The following SMC4 variants were observed in gnomAD, a reference collection of about 807,000 sequenced individuals.
SMC4 encodes structural maintenance of chromosomes 4.
A neutral mutation model predicts 145.6 loss-of-function variants in SMC4; 87 were observed. The ratio of observed to expected loss-of-function variants is 0.60; its 90% CI spans 0.50 to 0.71. The LOEUF (loss-of-function observed/expected upper bound fraction) is 0.71. Among genes scored for constraint, SMC4 ranks in the 30% least tolerant of loss-of-function variants. The pLI, the probability that SMC4 is intolerant of heterozygous loss-of-function variation, is 0.00. For synonymous variants in SMC4, 558 were observed against 500.7 expected (o/e 1.11, Z -1.53); for missense variants, 1,447 against 1,537.1 (o/e 0.94, Z 0.98).
At chr3:160,430,386 G>A (rs918268359) in intron 18 of SMC4, among the ~76,000 whole-genome samples, 1 of 152,042 alleles carries the variant, frequency 6.6e-6, no homozygotes, top group Non-Finnish European at 1.5e-5. Flanking sequence ...ATATAAGAAA[G>A]GCATTTATAA....
Position 160,425,019 on chromosome 3 carries a change from G to GGTTTGTGTGTGTGTGTGT in SMC4, c.2478+2_2478+3insTTGTGTGTGTGTGTGTGT. On this transcript the variant is annotated inframe_insertion and splice_region_variant. Transcript: ENST00000357388. ...TAGAAAAATTTACTGCAAGCATCCAGGTATGTGTGTGTGTGTGTGTGTGTG... is the reference window on the plus strand; with the variant it reads ...TAGAAAAATTTACTGCAAGCATCCAGGTTTGTGTGTGTGTGTGTGTATGTGTGTGTGTGTGTGTGTGTG... The GGTTTGTGTGTGTGTGTGT allele has an allele frequency of 6.5e-6, 8 of 1,226,980 alleles. No homozygotes were observed. The highest frequency in any genetic ancestry group is 6.6e-6 in the Non-Finnish European group (6 of 904,448). The allele number at this position is 1,226,980 out of a possible 1,614,324, so 76.0% of individuals were successfully genotyped here.
chr3:160,410,755 T>C (rs1295476472), intron 5 of SMC4, among the ~76,000 whole-genome samples: 3 of 152,232 alleles, frequency 2.0e-5, no homozygotes, highest in East Asian at 3.8e-4. Flanking sequence ...TTGAGGCTTT[T>C]GGTGAATTAT....
chr3:160,412,137 A>G (rs1716057619), intron 6 of SMC4, 53 bp downstream of exon 6: 2 of 1,564,368 alleles, frequency 1.3e-6, no homozygotes, highest in East Asian at 4.5e-5. Context: ...TTTATGATCT[A>G]ACAAATTTTA....
chr3:160,411,108 AT>A (rs1211667549), intron 5 of SMC4, among the ~76,000 whole-genome samples: 1 of 151,968 alleles, frequency 6.6e-6, no homozygotes, highest in African/African-American at 2.4e-5. Context: ...CTTATTATGG[AT>A]TTTTTTTCTC....
At chr3:160,430,107 A>G (rs570083424) in intron 18 of SMC4, among the ~76,000 whole-genome samples, 98 of 152,278 alleles carry the variant, frequency 6.4e-4, no homozygotes, top group African/African-American at 2.2e-3. Context: ...TTCTTTTTTT[A>G]GAAAAAATTT....
At chr3:160,423,356 T>TTG in intron 13 of SMC4, 69 bp from the exon 14 acceptor site, 1 of 864,004 alleles carries the variant, frequency 1.2e-6, no homozygotes, top group Non-Finnish European at 1.6e-6. Context: ...TGGGTTTTTT[T>TTG]TTGTTTTTTT....
chr3:160,406,084 C>A (rs777480890), intron 5 of SMC4, among the ~76,000 whole-genome samples: 1 of 152,018 alleles, frequency 6.6e-6, no homozygotes, highest in Non-Finnish European at 1.5e-5. Flanking sequence ...ATTGTCCCAA[C>A]GAAGTAAATA....
rs139427339 is a variant in SMC4 at position 160,414,932 on chromosome 3, G to C, written c.1272+415G>C. ...ATTGGGAAAACATTTACCAAATCAG[G>C]AGTTCCATTTTGGTGTTAATTTTAA... is the stretch of plus-strand genomic sequence containing the variant. On this transcript the variant is annotated intron_variant, in intron 9 of 23. Coordinates refer to ENST00000357388, the MANE Select transcript of SMC4 (RefSeq NM_001002800.3). 2.7e-3 allele frequency among the ~76,000 whole-genome samples: 410 copies of C among 152,270 alleles called. 4 individuals are homozygous for C. The highest frequency in any genetic ancestry group is 8.7e-3 in the African/African-American group (363 of 41,538).
rs776395942 is a variant in SMC4, at chr3:160,431,244, C to T, written c.3114+39C>T. On this transcript the variant is annotated intron_variant, in intron 20 of 23. Transcript: ENST00000357388. ...CGTTTAGTTTAATTTTAAACATATT[C>T]TTTATGAAAAAGGAGGGTTTGGGGA... is the stretch of plus-strand genomic sequence containing the variant. The T allele has an allele frequency of 1.4e-5, 21 of 1,498,912 alleles. No homozygotes were observed. The African/African-American group carries it at 3.0e-4, about 21-fold the overall frequency. The allele number at this position is 1,498,912 out of a possible 1,614,324, so 92.9% of individuals were successfully genotyped here. A position where few individuals can be genotyped will look rare whatever the true frequency, so the allele number is the denominator to read the frequency against.
intron 3 of SMC4, 142 bp downstream of exon 3, chr3:160,402,235 T>TCACACACA (rs150616801): frequency 2.4e-5 from 12 of 508,358 alleles, no homozygotes; most frequent in African/African-American, 2.0e-4. Flanking sequence ...TGTCTCTCTC[T>TCACACACA]CTCACACACA....
intron 15 of SMC4, 143 bp downstream of exon 15, chr3:160,423,983 A>G: frequency 1.9e-6 from 1 of 522,512 alleles, no homozygotes; most frequent in East Asian, 3.0e-5. Context: ...ATGACTAGGG[A>G]TTTTTTATGT....
chr3:160,411,971 G>T lies in SMC4; in HGVS notation c.739G>T (p.Asp247Tyr), dbSNP rs930684478. ...MMKPKGQTEH[D>Y]EGMLEYLEDI... ...GAAACCAAAAGGCCAGACTGAACAC[G>T]ATGAGGGTATGCTTGAATATTTAGA... Residue 247 changes from aspartate (D) to tyrosine (Y), a missense_variant, in exon 6 of 24, where the codon GAT becomes TAT. Asp to Tyr is a radical substitution (Grantham distance 160). Coordinates refer to ENST00000357388, the MANE Select transcript of SMC4 (RefSeq NM_001002800.3). 11 of 1,613,582 alleles carry T rather than the reference G, an allele frequency of 6.8e-6. No homozygotes were observed. The highest frequency in any genetic ancestry group is 9.3e-6 in the Non-Finnish European group (11 of 1,179,740).
rs142674634 is a variant in SMC4, at chr3:160,428,757, T to C, written c.2610T>C (p.Tyr870=). 8.9e-4 allele frequency: 1,405 copies of C among 1,578,822 alleles called. No homozygotes were observed. Among genetic ancestry groups the C allele is most frequent in the Non-Finnish European group, 1.2e-3 (1,351 of 1,171,306 alleles). Residue 870 remains tyrosine, a synonymous_variant, in exon 18 of 24, where the codon TAT becomes TAC. Transcript: ENST00000357388. ...TTCTTTATTTTTTAATTTCAGAATA[T>C]GATGCTGTGGCTGAGAAAGCTGGTA... is the stretch of plus-strand genomic sequence containing the variant. The part of the protein sequence containing the change: ...EENVSAFKTE[Y]DAVAEKAGKV...
chr3:160,425,068 G>A, intron 16 of SMC4, 49 bp downstream of exon 16: 1 of 1,180,136 alleles, frequency 8.5e-7, no homozygotes, highest in Non-Finnish European at 1.1e-6. Flanking sequence ...AAACTATTGG[G>A]ATTCAACTGG....
intron 7 of SMC4, chr3:160,412,828 G>A: frequency 1.0e-6 from 1 of 984,430 alleles, no homozygotes; most frequent in Non-Finnish European, 1.2e-6. Flanking sequence ...TGACTTTTTA[G>A]TATCCTGCTT....
rs759659481 is a variant in SMC4 at position 160,413,566 on chromosome 3, A to G, written c.1074A>G (p.Leu358=). ...AAATTAATGAGAAGAGCAATATACT[A>G]TCAAATGAAATGAAAGCTAAGAATA... ...TKEINEKSNI[L]SNEMKAKNKD... Residue 358 remains leucine, a synonymous_variant, in exon 8 of 24, where the codon CTA becomes CTG. Transcript: ENST00000357388. The G allele has an allele frequency of 6.0e-6, 9 of 1,490,284 alleles. No homozygotes were observed. Among genetic ancestry groups the G allele is most frequent in the Non-Finnish European group, 7.3e-6 (8 of 1,092,628 alleles). 92.3% of individuals were successfully genotyped at this position (1,490,284 alleles called of 1,614,324 possible).
chr3:160,406,180 AC>A (rs1167298202), intron 5 of SMC4, among the ~76,000 whole-genome samples: 1 of 152,058 alleles, frequency 6.6e-6, no homozygotes, highest in Non-Finnish European at 1.5e-5. Context: ...GATAATCTGA[AC>A]CTTTTTATGT....
rs200195444 is a variant in SMC4, at chr3:160,419,503, A to G, written c.1817A>G (p.Glu606Gly). 2 of 1,604,020 alleles carry G rather than the reference A, an allele frequency of 1.2e-6. No individual in the cohort carries two copies. The highest frequency in any genetic ancestry group is 8.5e-7 in the Non-Finnish European group (1 of 1,177,544). The part of the protein sequence containing the change: ...RGKVLDAIIQ[E>G]KKSGRIPGIY... Reference sequence around the variant, plus strand: ...AAAGTCCTTGATGCAATAATTCAAGAAAAAAAATCTGGCAGGATTCCAGGA... The same window carrying G: ...AAAGTCCTTGATGCAATAATTCAAGGAAAAAAATCTGGCAGGATTCCAGGA... The change falls in exon 12 of 24, where the codon GAA becomes GGA. Residue 606 changes from glutamate to glycine, a missense_variant. Physicochemically the swap from Glu to Gly is moderately conservative, Grantham distance 98 (BLOSUM62 -2). Coordinates refer to ENST00000357388, the MANE Select transcript of SMC4 (RefSeq NM_001002800.3).
chr3:160,427,854 A>G (rs1717961387), intron 17 of SMC4, among the ~76,000 whole-genome samples: 2 of 152,210 alleles, frequency 1.3e-5, no homozygotes, highest in South Asian at 4.1e-4. Context: ...GGGAAGGCCA[A>G]GGCAGGCAGA....
Sources: gnomAD v4.1 joint callset for allele counts (sites outside exome capture counted in the v4.1 genomes callset) on GRCh38, gnomAD v4.1.1 for gene constraint, MANE v1.5 for transcripts, NCBI Gene and HGNC (gene_info 2026-07-23, HGNC 2026-07-21) for gene names.